The following RBL1 variants were observed in gnomAD, a reference collection of about 807,000 sequenced individuals.
RBL1 encodes RB transcriptional corepressor like 1.
Under a neutral mutation model 123.0 loss-of-function variants are expected in RBL1, and 82 were observed. The observed-to-expected ratio is 0.67, with a 90% CI of 0.56 to 0.80. The LOEUF (loss-of-function observed/expected upper bound fraction) is 0.80, where lower values mean the gene tolerates loss of function less well. Among genes scored for constraint, RBL1 ranks in the 30% least tolerant of loss-of-function variants. RBL1 has a pLI of 0.00. For synonymous variants in RBL1, 405 were observed against 441.3 expected (o/e 0.92, Z 1.03); for missense variants, 1,171 against 1,299.6 (o/e 0.90, Z 1.52).
intron 16 of RBL1, among the ~76,000 whole-genome samples, chr20:37,026,880 G>A (rs1225305599): frequency 1.3e-5 from 2 of 151,002 alleles, no homozygotes; most frequent in African/African-American, 2.4e-5. Context: ...GTGCGTCCCT[G>A]TAATCCCAGC....
intron 16 of RBL1, among the ~76,000 whole-genome samples, chr20:37,024,102 T>G (rs1189088378): frequency 6.6e-6 from 1 of 152,024 alleles, no homozygotes; most frequent in Non-Finnish European, 1.5e-5. Flanking sequence ...TGTCTTTAAA[T>G]TTCCAGATGG....
chr20:37,008,122 G>A (rs1175804690), intron 19 of RBL1, among the ~76,000 whole-genome samples: 1 of 152,104 alleles, frequency 6.6e-6, no homozygotes, highest in Non-Finnish European at 1.5e-5. Context: ...CATAGCTGTT[G>A]AGCTCACTGT....
chr20:37,032,620 C>T, intron 16 of RBL1, 45 bp downstream of exon 16: 1 of 1,602,480 alleles, frequency 6.2e-7, no homozygotes. Flanking sequence ...AATCTTTCTT[C>T]CATTGATTAA....
intron 2 of RBL1, among the ~76,000 whole-genome samples, chr20:37,075,648 G>A (rs1354155312): frequency 6.6e-6 from 1 of 152,074 alleles, no homozygotes; most frequent in Non-Finnish European, 1.5e-5. Flanking sequence ...TAGAGATGGG[G>A]TTTTGCCATG....
chr20:37,067,969 A>T lies in RBL1; in HGVS notation c.491+17T>A. 6.2e-7 allele frequency: 1 copy of T among 1,605,246 alleles called. No individual in the cohort carries two copies. Among genetic ancestry groups the T allele is most frequent in the Non-Finnish European group, 8.5e-7 (1 of 1,177,462 alleles). On this transcript the variant is annotated intron_variant, in intron 3 of 21. Coordinates refer to ENST00000373664, the MANE Select transcript of RBL1 (RefSeq NM_002895.5). ...ATCATAATCTTTATGTCAATTATAT[A>T]AGGATTAAGGGCTCACCTCTGCTTC...
intron 2 of RBL1, among the ~76,000 whole-genome samples, chr20:37,076,448 A>G (rs2065365358): frequency 6.6e-6 from 1 of 152,178 alleles, no homozygotes; most frequent in African/African-American, 2.4e-5. Flanking sequence ...TCAATCTCTG[A>G]TAACTGAGAG....
At chr20:37,041,628 TTTTA>T (rs1285747479) in intron 13 of RBL1, among the ~76,000 whole-genome samples, 1 of 152,134 alleles carries the variant, frequency 6.6e-6, no homozygotes, top group Non-Finnish European at 1.5e-5. Context: ...AGCCTCTGTT[TTTTA>T]TTTTTTAATT....
At chr20:37,057,882 T>A (rs545197250) in intron 9 of RBL1, among the ~76,000 whole-genome samples, 24 of 152,080 alleles carry the variant, frequency 1.6e-4, no homozygotes, top group African/African-American at 4.8e-4. Flanking sequence ...TCCCAGCACT[T>A]TGGGAGGCCA....
intron 2 of RBL1, among the ~76,000 whole-genome samples, chr20:37,070,387 T>A (rs1399673583): frequency 6.6e-6 from 1 of 152,064 alleles, no homozygotes; most frequent in African/African-American, 2.4e-5. Context: ...TTCACTTGTT[T>A]ATCTGCTGAC....
At chr20:37,009,003 T>G (rs1159112950) in intron 19 of RBL1, among the ~76,000 whole-genome samples, 2 of 152,096 alleles carry the variant, frequency 1.3e-5, no homozygotes, top group African/African-American at 4.8e-5. Flanking sequence ...CAGTTTTTTG[T>G]GTATAGTCTC....
chr20:37,019,211 G>C (rs936765535), intron 18 of RBL1, among the ~76,000 whole-genome samples: 3 of 151,946 alleles, frequency 2.0e-5, no homozygotes, highest in African/African-American at 7.2e-5. Context: ...GCCTGGACCA[G>C]AGTCATTTGT....
chr20:37,029,847 A>T (rs1193773880), intron 16 of RBL1, among the ~76,000 whole-genome samples: 1 of 152,240 alleles, frequency 6.6e-6, no homozygotes, highest in Non-Finnish European at 1.5e-5. Context: ...TTACAATAGC[A>T]TCAAAAAGAA....
intron 18 of RBL1, among the ~76,000 whole-genome samples, chr20:37,019,256 T>C (rs556414426): frequency 1.3e-5 from 2 of 152,204 alleles, no homozygotes; most frequent in South Asian, 4.1e-4. Context: ...CCCCAGCCCA[T>C]TCCCATCTCC....
At chr20:37,028,275 G>A (rs2064455968) in intron 16 of RBL1, among the ~76,000 whole-genome samples, 1 of 152,162 alleles carries the variant, frequency 6.6e-6, no homozygotes, top group Non-Finnish European at 1.5e-5. Flanking sequence ...TGAGGCAGGT[G>A]AATCGCTTGA....
At chr20:37,063,077 G>A (rs1568870438) in intron 7 of RBL1, among the ~76,000 whole-genome samples, 1 of 152,162 alleles carries the variant, frequency 6.6e-6, no homozygotes, top group Non-Finnish European at 1.5e-5. Flanking sequence ...TCTCAAGAGA[G>A]TGGCTGTTTT....
rs376148824 is a variant in RBL1, at chr20:37,055,596, A to G, written c.1424T>C (p.Val475Ala). 3 of 1,614,014 alleles carry G rather than the reference A, an allele frequency of 1.9e-6. No homozygotes were observed. In the African/African-American group the frequency reaches 4.0e-5, roughly 22 times the overall value. ...AAGTCTTCGTGTTTCCTGAACCATTACAGTCTCTAGTATTTTATAATACAA... is the reference window on the plus strand; with the variant it reads ...AAGTCTTCGTGTTTCCTGAACCATTGCAGTCTCTAGTATTTTATAATACAA... ...EILYYKILET[V>A]MVQETRRLHG... is the part of the protein sequence containing the mutation. Residue 475 changes from valine (V) to alanine (A), a missense_variant, in exon 11 of 22, where the codon GTA (valine) becomes GCA (alanine). Coordinates refer to ENST00000373664, the MANE Select transcript of RBL1 (RefSeq NM_002895.5).
Position 37,032,751 on chromosome 20 carries a change from T to C in RBL1, c.2296A>G (p.Thr766Ala), listed in dbSNP as rs746263097. 6.2e-6 allele frequency: 10 copies of C among 1,614,076 alleles called. No individual in the cohort carries two copies. The South Asian group carries it at 9.9e-5, about 16-fold the overall frequency. The change falls in exon 16 of 22, where the codon ACC (threonine) becomes GCC (alanine). Residue 766 changes from threonine (T) to alanine (A), a missense_variant. Transcript: ENST00000373664. ...ACCTCTTGTGCTTTAGTCAGATTGG[T>C]CTGTTTTGGAGAAGCACCAATTAAT... The part of the protein sequence containing the change: ...HSLIGASPKQ[T>A]NLTKAQEVHS...
chr20:37,026,915 T>C lies in RBL1; in HGVS notation c.2383-4089A>G, dbSNP rs370316213. On this transcript the variant is annotated intron_variant, in intron 16 of 21. Transcript: ENST00000373664. ...CTACTCGGGAGGCTGAGGCAGAGAATTGCTTGAACTAGGGAGTCAGAGGTT... is the reference window on the plus strand; with the variant it reads ...CTACTCGGGAGGCTGAGGCAGAGAACTGCTTGAACTAGGGAGTCAGAGGTT... 2.3e-4 allele frequency among the ~76,000 whole-genome samples: 34 copies of C among 150,920 alleles called. 2 individuals carry two copies. In the South Asian group the frequency reaches 4.6e-3, roughly 20 times the overall value.
At chr20:37,044,015 T>G in intron 13 of RBL1, 71 bp downstream of exon 13, 2 of 1,305,088 alleles carry the variant, frequency 1.5e-6, no homozygotes, top group Admixed American at 4.9e-5. Flanking sequence ...GTATAGGAAT[T>G]ATCTCTCAAT....
Sources: allele counts gnomAD v4.1 joint callset (sites outside exome capture counted in the v4.1 genomes callset), GRCh38; gene constraint gnomAD v4.1.1; transcripts MANE v1.5; gene names NCBI Gene and HGNC (gene_info 2026-07-23, HGNC 2026-07-21).